Variants in SIPA1L1 observed in about 807,000 individuals in gnomAD.
SIPA1L1 encodes the protein signal induced proliferation associated 1 like 1.
SIPA1L1 carries 26 observed loss-of-function variants against 162.7 expected under a neutral mutation model. The ratio of observed to expected loss-of-function variants is 0.16; its 90% confidence interval spans 0.12 to 0.22. SIPA1L1 has a LOEUF of 0.22. Ranked by LOEUF, SIPA1L1 falls within the 10% of genes least tolerant of loss-of-function variation. The pLI, the probability that SIPA1L1 is intolerant of heterozygous loss-of-function variation, is 1.00. For synonymous variants in SIPA1L1, 829 were observed against 837.4 expected (o/e 0.99, Z 0.17); for missense variants, 1,874 against 2,241.0 (o/e 0.84, Z 3.31).
chr14:71,580,431 A>T (rs1439524633), intron 4 of SIPA1L1, among the ~76,000 whole-genome samples: 13 of 152,184 alleles, frequency 8.5e-5, no homozygotes. Flanking sequence ...CAGTCTTGGG[A>T]GGGGACAAGG....
intron 2 of SIPA1L1, among the ~76,000 whole-genome samples, chr14:71,427,817 C>T (rs963360910): frequency 1.3e-5 from 2 of 151,710 alleles, no homozygotes; most frequent in African/African-American, 4.8e-5. Flanking sequence ...TTAAGTTTCT[C>T]TACATCTTCC....
intron 4 of SIPA1L1, among the ~76,000 whole-genome samples, chr14:71,580,101 A>G (rs889852999): frequency 6.6e-6 from 1 of 152,326 alleles, no homozygotes; most frequent in East Asian, 1.9e-4. Flanking sequence ...GGCAATTTTC[A>G]TGGCTTATCT....
At position 71,667,816 on chromosome 14, in the gene SIPA1L1, A is replaced by C. The variant is rs576144673; in HGVS notation, c.2256-3303A>C. The stretch of plus-strand genomic sequence containing the variant: ...CGTGTTGGCTCATGCCTGTAATCCC[A>C]GCAATTTGGAAGGCTGAGGCAGGCG... On this transcript the variant is annotated intron_variant, in intron 10 of 23. Coordinates refer to ENST00000381232, the MANE Select transcript of SIPA1L1 (RefSeq NM_001386936.1). 2.0e-5 allele frequency among the ~76,000 whole-genome samples: 3 copies of C among 152,304 alleles called. No individual in the cohort carries two copies. In the East Asian group the frequency reaches 5.8e-4, roughly 29 times the overall value.
chr14:71,392,566 C>T (rs781577413), intron 2 of SIPA1L1, among the ~76,000 whole-genome samples: 3 of 152,128 alleles, frequency 2.0e-5, no homozygotes, highest in African/African-American at 4.8e-5. Context: ...CTCGCTCTGT[C>T]GCCCAGGCTG....
intron 2 of SIPA1L1, among the ~76,000 whole-genome samples, chr14:71,487,032 A>G (rs2048819994): frequency 6.6e-6 from 1 of 152,204 alleles, no homozygotes; most frequent in Non-Finnish European, 1.5e-5. Flanking sequence ...ACGCTGATTC[A>G]GTACCAAATT....
intron 17 of SIPA1L1, among the ~76,000 whole-genome samples, chr14:71,714,859 G>A (rs576769565): frequency 7.2e-5 from 11 of 152,302 alleles, no homozygotes; most frequent in Admixed American, 1.3e-4. Context: ...AGGAATTACC[G>A]GCATGAGCCA....
chr14:71,691,945 T>A (rs531150085), intron 13 of SIPA1L1, among the ~76,000 whole-genome samples: 1 of 152,226 alleles, frequency 6.6e-6, no homozygotes, highest in East Asian at 1.9e-4. Flanking sequence ...ACTTAGCCTG[T>A]CTTATTCATC....
chr14:71,738,877 C>T (rs2085563846), intron 23 of SIPA1L1, 141 bp from the exon 24 acceptor site: 2 of 899,418 alleles, frequency 2.2e-6, no homozygotes, highest in Non-Finnish European at 3.3e-6. Context: ...CACCTGATAC[C>T]AGTCCGTTTA....
rs534923753 is a variant in SIPA1L1, at chr14:71,721,994, G to A, written c.4209-1653G>A. Among the ~76,000 whole-genome samples the A allele has an allele frequency of 2.0e-3, 304 of 152,322 alleles. 2 individuals carry two copies. Among genetic ancestry groups the A allele is most frequent in the Non-Finnish European group, 3.6e-3 (246 of 68,030 alleles). On this transcript the variant is annotated intron_variant, in intron 17 of 23. Coordinates refer to ENST00000381232, the MANE Select transcript of SIPA1L1 (RefSeq NM_001386936.1). ...CAGAGCTGGTCTAAATGCTCTGTCC[G>A]TGGGTGCCAGCAGAATTCTGCTCAG...
At position 71,589,292 on chromosome 14, in the gene SIPA1L1, C is replaced by T. The variant is rs1555468255; in HGVS notation, c.1420C>T (p.Leu474=). Residue 474 remains leucine, a synonymous_variant, in exon 5 of 24, where the codon CTA becomes TTA. Transcript: ENST00000381232. ...EVPKENLVLH[L]DRVKRYIVEH... ...GCCCAAGGAGAACTTGGTGTTGCAC[C>T]TAGATAGAGTGAAAAGATACATCGT... 1.9e-6 allele frequency: 3 copies of T among 1,613,734 alleles called. No homozygotes were observed. The highest frequency in any genetic ancestry group is 1.6e-4 in the Middle Eastern group (1 of 6,082).
chr14:71,680,800 T>C (rs1481252237), intron 12 of SIPA1L1, among the ~76,000 whole-genome samples: 1 of 152,130 alleles, frequency 6.6e-6, no homozygotes, highest in Non-Finnish European at 1.5e-5. Flanking sequence ...TATAAACACC[T>C]CTACGCAAAT....
intron 3 of SIPA1L1, among the ~76,000 whole-genome samples, chr14:71,522,763 G>A (rs1350839036): frequency 1.3e-5 from 2 of 150,222 alleles, no homozygotes; most frequent in Non-Finnish European, 3.0e-5. Context: ...GCACGATCTC[G>A]GCTCACTGCA....
intron 4 of SIPA1L1, among the ~76,000 whole-genome samples, chr14:71,587,301 C>T (rs1222200152): frequency 6.6e-5 from 10 of 151,640 alleles, no homozygotes; most frequent in Admixed American, 6.6e-4. Context: ...ACAAGATGTA[C>T]CCCTCCCCCT....
chr14:71,437,332 T>G (rs2044467836), intron 2 of SIPA1L1, among the ~76,000 whole-genome samples: 2 of 152,064 alleles, frequency 1.3e-5, no homozygotes, highest in Admixed American at 1.3e-4. Flanking sequence ...TGGGCGATAG[T>G]GAGACCCTGT....
chr14:71,515,961 C>G (rs2051685703), intron 3 of SIPA1L1, among the ~76,000 whole-genome samples: 1 of 152,090 alleles, frequency 6.6e-6, no homozygotes, highest in Non-Finnish European at 1.5e-5. Flanking sequence ...GCATTTAAAC[C>G]CAAGAAAAGT....
chr14:71,632,911 A>G (rs971036215), intron 7 of SIPA1L1, among the ~76,000 whole-genome samples: 3 of 152,234 alleles, frequency 2.0e-5, no homozygotes, highest in Non-Finnish European at 4.4e-5. Flanking sequence ...TAAGATCCAG[A>G]GTCTCGTAAG....
At chr14:71,621,660 T>C (rs2039461450) in intron 6 of SIPA1L1, among the ~76,000 whole-genome samples, 1 of 152,202 alleles carries the variant, frequency 6.6e-6, no homozygotes. Flanking sequence ...AGTCATTTTG[T>C]TTGCTTTTAA....
intron 8 of SIPA1L1, among the ~76,000 whole-genome samples, chr14:71,656,992 G>C (rs1202169357): frequency 6.6e-6 from 1 of 152,224 alleles, no homozygotes; most frequent in Non-Finnish European, 1.5e-5. Flanking sequence ...CTTTTGGTAT[G>C]TGTCAGAGAC....
At chr14:71,561,077 C>T (rs981683163) in intron 4 of SIPA1L1, among the ~76,000 whole-genome samples, 9 of 152,088 alleles carry the variant, frequency 5.9e-5, no homozygotes, top group Admixed American at 5.9e-4. Flanking sequence ...TTTAGTAGCT[C>T]TCTAGAAGAT....
Sources: allele counts gnomAD v4.1 joint callset (sites outside exome capture counted in the v4.1 genomes callset), GRCh38; gene constraint gnomAD v4.1.1; transcripts MANE v1.5; gene names NCBI Gene and HGNC (gene_info 2026-07-23, HGNC 2026-07-21).